CAMKMT: variants seen among roughly 807,000 people sequenced by gnomAD.
CAMKMT encodes the protein CaM KMT.
A neutral mutation model predicts 48.0 loss-of-function variants in CAMKMT; 53 were observed. The ratio of observed to expected loss-of-function variants is 1.10; its 90% CI spans 0.89 to 1.39. CAMKMT has a LOEUF of 1.39. CAMKMT is among the 40% of genes most tolerant of loss of function. CAMKMT has a pLI of 0.00. For missense variants in CAMKMT, 428 were observed against 402.7 expected (o/e 1.06, Z -0.54); for synonymous variants, 165 against 152.3 (o/e 1.08, Z -0.61).
intron 7 of CAMKMT, among the ~76,000 whole-genome samples, chr2:44,739,951 A>G (rs1468995064): frequency 6.6e-6 from 1 of 152,118 alleles, no homozygotes; most frequent in Non-Finnish European, 1.5e-5. Context: ...ACGTCCTAGA[A>G]TAGATCAAAG....
At chr2:44,489,214 T>A (rs2104705824) in intron 3 of CAMKMT, among the ~76,000 whole-genome samples, 1 of 151,222 alleles carries the variant, frequency 6.6e-6, no homozygotes, top group African/African-American at 2.4e-5. Context: ...AGTCTAATGG[T>A]TTTCATATTT....
intron 4 of CAMKMT, chr2:44,705,491 C>A (rs1395501835): frequency 1.0e-6 from 1 of 985,148 alleles, no homozygotes. Flanking sequence ...TGGGCCAGGG[C>A]GAGAATGTCA....
At chr2:44,582,047 A>G (rs1669596172) in intron 3 of CAMKMT, among the ~76,000 whole-genome samples, 1 of 152,268 alleles carries the variant, frequency 6.6e-6, no homozygotes, top group African/African-American at 2.4e-5. Flanking sequence ...TTTTGTTTAT[A>G]TGAAAAAATT....
intron 3 of CAMKMT, among the ~76,000 whole-genome samples, chr2:44,553,946 T>A (rs1165929636): frequency 6.6e-6 from 1 of 152,212 alleles, no homozygotes; most frequent in African/African-American, 2.4e-5. Context: ...CTATAAAACA[T>A]AACATTTAAA....
At chr2:44,598,055 A>G (rs918907717) in intron 3 of CAMKMT, among the ~76,000 whole-genome samples, 1 of 151,858 alleles carries the variant, frequency 6.6e-6, no homozygotes, top group East Asian at 1.9e-4. Context: ...TATTAATGCC[A>G]TAAAATAATA....
chr2:44,362,265 C>T (rs1043849254), intron 1 of CAMKMT, 120 bp downstream of exon 1: 1 of 864,270 alleles, frequency 1.2e-6, no homozygotes, highest in Admixed American at 4.2e-5. Context: ...CTCAGTTTGC[C>T]GGGAGCCACC....
intron 3 of CAMKMT, among the ~76,000 whole-genome samples, chr2:44,486,217 T>C (rs573293965): frequency 7.9e-5 from 12 of 152,180 alleles, no homozygotes; most frequent in Non-Finnish European, 1.3e-4. Context: ...TCCACCCACC[T>C]TGGCCTCCCA....
chr2:44,526,031 C>A (rs946419231), intron 3 of CAMKMT, among the ~76,000 whole-genome samples: 1 of 151,976 alleles, frequency 6.6e-6, no homozygotes, highest in Admixed American at 6.6e-5. Context: ...AAATGTGGCA[C>A]ATATACACCA....
intron 3 of CAMKMT, among the ~76,000 whole-genome samples, chr2:44,623,161 A>T (rs1463652327): frequency 6.6e-6 from 1 of 152,060 alleles, no homozygotes; most frequent in Non-Finnish European, 1.5e-5. Flanking sequence ...TCCTTTGCCT[A>T]CTTCTTAATG....
intron 3 of CAMKMT, among the ~76,000 whole-genome samples, chr2:44,404,942 C>CA (rs1682677545): frequency 6.6e-6 from 1 of 151,826 alleles, no homozygotes; most frequent in African/African-American, 2.4e-5. Context: ...ACTAGTGCTC[C>CA]AAAAAGGATT....
chr2:44,763,292 G>A (rs917123790), intron 9 of CAMKMT, among the ~76,000 whole-genome samples: 1 of 152,192 alleles, frequency 6.6e-6, no homozygotes, highest in African/African-American at 2.4e-5. Flanking sequence ...TGGGTACAGT[G>A]TTGTGCACAG....
At chr2:44,581,062 G>C (rs1330163284) in intron 3 of CAMKMT, among the ~76,000 whole-genome samples, 1 of 152,056 alleles carries the variant, frequency 6.6e-6, no homozygotes, top group East Asian at 1.9e-4. Context: ...ATGCCATCCT[G>C]CTTGCTGTGG....
chr2:44,419,625 C>G (rs1161259660), intron 3 of CAMKMT, among the ~76,000 whole-genome samples: 3 of 152,192 alleles, frequency 2.0e-5, no homozygotes, highest in Non-Finnish European at 1.5e-5. Flanking sequence ...TGTCACCCAG[C>G]CTGGAGTGCA....
chr2:44,552,977 G>A (rs1039064692), intron 3 of CAMKMT, among the ~76,000 whole-genome samples: 1 of 152,162 alleles, frequency 6.6e-6, no homozygotes, highest in South Asian at 2.1e-4. Context: ...GAAACTAAGA[G>A]GGTGCTGTGA....
At chr2:44,420,449 C>A (rs1178238789) in intron 3 of CAMKMT, among the ~76,000 whole-genome samples, 10 of 152,050 alleles carry the variant, frequency 6.6e-5, no homozygotes, top group Admixed American at 6.6e-4. Flanking sequence ...CCTCCCTAAT[C>A]AAAAATTTGC....
At chr2:44,427,650 C>T (rs1488980455) in intron 3 of CAMKMT, among the ~76,000 whole-genome samples, 1 of 152,178 alleles carries the variant, frequency 6.6e-6, no homozygotes, top group Non-Finnish European at 1.5e-5. Context: ...CCACAAGTAT[C>T]CCCTGTATCT....
intron 3 of CAMKMT, among the ~76,000 whole-genome samples, chr2:44,402,784 C>G (rs1274270136): frequency 4.1e-5 from 2 of 48,930 alleles, no homozygotes; most frequent in African/African-American, 1.5e-4. Flanking sequence ...TTTAACCTTT[C>G]TGTTGAGTTT....
Position 44,467,778 on chromosome 2 carries a change from G to A in CAMKMT, c.376+77473G>A, listed in dbSNP as rs192410505. On this transcript the variant is annotated intron_variant, in intron 3 of 10. Coordinates refer to ENST00000378494, the MANE Select transcript of CAMKMT (RefSeq NM_024766.5). ...GGAAGGACAGTCTCTTCAGTAAATA[G>A]TGGTGGGAAAACTGGATATCCATAT... Among the ~76,000 whole-genome samples the A allele has an allele frequency of 8.1e-4, 123 of 152,266 alleles. 3 individuals are homozygous for A. Among genetic ancestry groups the A allele is most frequent in the Non-Finnish European group, 8.2e-4 (56 of 68,022 alleles).
chr2:44,554,334 C>A (rs899399994), intron 3 of CAMKMT, among the ~76,000 whole-genome samples: 1 of 152,202 alleles, frequency 6.6e-6, no homozygotes, highest in Non-Finnish European at 1.5e-5. Context: ...CCCAGATTGC[C>A]TAGGTTCAAA....
Sources: allele counts gnomAD v4.1 joint callset (sites outside exome capture counted in the v4.1 genomes callset), GRCh38; gene constraint gnomAD v4.1.1; transcripts MANE v1.5; gene names NCBI Gene and HGNC (gene_info 2026-07-23, HGNC 2026-07-21).